SIX3: variants seen among roughly 807,000 people sequenced by gnomAD.
SIX3 encodes SIX homeobox 3, also known as homeobox protein SIX3.
A neutral mutation model predicts 21.7 loss-of-function variants in SIX3; 2 were observed. That is an observed-to-expected ratio of 0.09 (90% confidence interval 0.04 to 0.29). The LOEUF is 0.29. Among genes scored for constraint, SIX3 ranks in the 10% least tolerant of loss-of-function variants. The pLI is 1.00. For missense variants in SIX3, 347 were observed against 480.7 expected, an observed-to-expected ratio of 0.72 and a Z score of 2.60; for synonymous variants, 243 against 220.6, an observed-to-expected ratio of 1.10 and a Z score of -0.90.
Position 44,941,853 on chromosome 2 carries a change from C to A in SIX3, c.-252C>A, listed in dbSNP as rs968611069. 7 of 400,762 alleles carry A rather than the reference C, an allele frequency of 1.7e-5. No homozygotes were observed. The highest frequency in any genetic ancestry group is 1.4e-4 in the African/African-American group (7 of 48,730). The allele number at this position is 400,762 out of a possible 1,614,324, so 24.8% of individuals were successfully genotyped here. ...CTCTGTCTCGGGTTCTCTCTCTGCGCGCGCGCACCGGGCCGCTCTCCTACC... is the reference window on the plus strand; with the variant it reads ...CTCTGTCTCGGGTTCTCTCTCTGCGAGCGCGCACCGGGCCGCTCTCCTACC... On this transcript the variant is annotated 5_prime_UTR_variant, in exon 1 of 2. Coordinates refer to ENST00000260653, the MANE Select transcript of SIX3 (RefSeq NM_005413.4).
chr2:44,942,373 A>C lies in SIX3; in HGVS notation c.269A>C (p.Glu90Ala). ...CTGCCCACCCTCAACTTCTCGCCGG[A>C]GCAGGTGGCCAGCGTCTGTGAGACG... ...FQLPTLNFSP[E>A]QVASVCETLE... Residue 90 changes from glutamate to alanine, a missense_variant, in exon 1 of 2, where the codon GAG becomes GCG. By Grantham distance (107) the Glu-to-Ala change is moderately radical (BLOSUM62 -1). This residue lies in a region of SIX3 where 117 missense variants were observed against 205.9 expected (regional missense o/e 0.57). Coordinates refer to ENST00000260653, the MANE Select transcript of SIX3 (RefSeq NM_005413.4). This position sits in a 1 kb window ranked among gnomAD's most constrained non-coding sequence, Gnocchi z 8.4. The C allele has an allele frequency of 1.3e-6, 2 of 1,597,124 alleles. No individual in the cohort carries two copies. The highest frequency in any genetic ancestry group is 1.7e-6 in the Non-Finnish European group (2 of 1,179,318).
chr2:44,942,761 C>A lies in SIX3; in HGVS notation c.657C>A (p.Ser219Arg), dbSNP rs1666606463. Residue 219 changes from serine to arginine, a missense_variant, in exon 1 of 2, where the codon AGC (serine) becomes AGA (arginine). Ser to Arg is a moderately radical substitution (Grantham distance 110, BLOSUM62 -1). This residue lies in a region of SIX3 where 117 missense variants were observed against 205.9 expected (regional missense o/e 0.57). Coordinates refer to ENST00000260653, the MANE Select transcript of SIX3 (RefSeq NM_005413.4). The surrounding 1 kb of genome is among the most constrained non-coding windows in gnomAD (Gnocchi z 8.4). ...ATTGCTTCAAGGAGCGGACTCGGAG[C>A]CTGTTGCGGGAGTGGTACCTACAGG... ...KTHCFKERTR[S>R]LLREWYLQDP... The A allele has an allele frequency of 6.2e-7, 1 of 1,600,712 alleles. No homozygotes were observed. The highest frequency in any genetic ancestry group is 8.5e-7 in the Non-Finnish European group (1 of 1,179,802).
rs748952099 is a variant in SIX3 at position 44,942,768 on chromosome 2, C to A, written c.664C>A (p.Arg222=). 61 of 1,600,278 alleles carry A rather than the reference C, an allele frequency of 3.8e-5. No individual in the cohort carries two copies. Among genetic ancestry groups the A allele is most frequent in the Non-Finnish European group, 4.9e-5 (58 of 1,179,798 alleles). ...CAAGGAGCGGACTCGGAGCCTGTTG[C>A]GGGAGTGGTACCTACAGGACCCCTA... ...CFKERTRSLL[R]EWYLQDPYPN... The change falls in exon 1 of 2, where the codon CGG becomes AGG. Residue 222 remains arginine (R), a synonymous_variant. Coordinates refer to ENST00000260653, the MANE Select transcript of SIX3 (RefSeq NM_005413.4). This position sits in a 1 kb window ranked among gnomAD's most constrained non-coding sequence, Gnocchi z 8.4.
At chr2:44,943,487 GT>G (rs965499879) in intron 1 of SIX3, among the ~76,000 whole-genome samples, 2 of 152,238 alleles carry the variant, frequency 1.3e-5, no homozygotes, top group African/African-American at 4.8e-5. Context: ...GTGCGTGTGT[GT>G]GTGCACGCCC....
In SIX3 at chr2:44,945,658, C is replaced by G. The variant is rs993408156; in HGVS notation, c.*898C>G. ...AAAATTTTATATGAATTATGTATAT[C>G]TTAATGATCGGTCATTTTCCCAGTT... On this transcript the variant is annotated 3_prime_UTR_variant, in exon 2 of 2. Transcript: ENST00000260653. 6.6e-6 allele frequency: 1 copy of G among 152,196 alleles called. No homozygotes were observed. The highest frequency in any genetic ancestry group is 1.5e-5 in the Non-Finnish European group (1 of 68,028). 9.4% of individuals were successfully genotyped at this position (152,196 alleles called of 1,614,324 possible).
At position 44,942,096 on chromosome 2, in the gene SIX3, G is replaced by A. The variant is rs531488840; in HGVS notation, c.-9G>A. The A allele has an allele frequency of 2.5e-5, 39 of 1,585,118 alleles. No homozygotes were observed. The highest frequency in any genetic ancestry group is 3.2e-5 in the Non-Finnish European group (37 of 1,171,036). On this transcript the variant is annotated 5_prime_UTR_variant, in exon 1 of 2. Transcript: ENST00000260653. The surrounding 1 kb of genome is among the most constrained non-coding windows in gnomAD (Gnocchi z 8.4). ...CCCTGAATTTTCTCCTCTCCTCTCA[G>A]GTCAGTCCATGGTATTCCGCTCCCC...
chr2:44,943,339 A>C (rs1037037308), intron 1 of SIX3, among the ~76,000 whole-genome samples: 4 of 152,204 alleles, frequency 2.6e-5, no homozygotes, highest in African/African-American at 7.2e-5. Flanking sequence ...AGAGAGAGGA[A>C]AGTGAACCTG....
chr2:44,945,008 C>T lies in SIX3; in HGVS notation c.*248C>T. ...AACAACCCCCAACCACCATCTACCA[C>T]TACGGCCACCCCAAAGGACCCCGAC... On this transcript the variant is annotated 3_prime_UTR_variant, in exon 2 of 2. Coordinates refer to ENST00000260653, the MANE Select transcript of SIX3 (RefSeq NM_005413.4). 3 of 577,252 alleles carry T rather than the reference C, an allele frequency of 5.2e-6. No homozygotes were observed. Among genetic ancestry groups the T allele is most frequent in the Non-Finnish European group, 9.3e-6 (3 of 322,518 alleles). The allele number at this position is 577,252 out of a possible 1,614,324, so 35.8% of individuals were successfully genotyped here.
intron 1 of SIX3, 56 bp from the exon 2 acceptor site, chr2:44,944,512 G>A: frequency 2.0e-6 from 3 of 1,515,004 alleles, no homozygotes; most frequent in South Asian, 1.2e-5. Flanking sequence ...GCGGCGCGGG[G>A]GAGCCGGGTG....
chr2:44,944,661 G>T lies in SIX3; in HGVS notation c.900G>T (p.Ala300=). The T allele has an allele frequency of 6.3e-7, 1 of 1,578,782 alleles. No homozygotes were observed. Among genetic ancestry groups the T allele is most frequent in the Non-Finnish European group, 8.5e-7 (1 of 1,170,242 alleles). The change falls in exon 2 of 2, where the codon GCG becomes GCT. Residue 300 remains alanine, a synonymous_variant. Transcript: ENST00000260653. The stretch of plus-strand genomic sequence containing the variant: ...GCTCGGCAGAGTCGCCGTCCACGGC[G>T]GCCAGCCCGACCACCAGCGTGTCCA... ...THGSAESPST[A]ASPTTSVSSL... is the part of the protein sequence containing the mutation.
rs2103640586 is a variant in SIX3, at chr2:44,942,026, T to A, written c.-79T>A. The A allele has an allele frequency of 9.9e-7, 1 of 1,012,098 alleles. No individual in the cohort carries two copies. The highest frequency in any genetic ancestry group is 1.8e-5 in the Admixed American group (1 of 55,116). 62.7% of individuals were successfully genotyped at this position (1,012,098 alleles called of 1,614,324 possible). On this transcript the variant is annotated 5_prime_UTR_variant, in exon 1 of 2. Coordinates refer to ENST00000260653, the MANE Select transcript of SIX3 (RefSeq NM_005413.4). This position sits in a 1 kb window ranked among gnomAD's most constrained non-coding sequence, Gnocchi z 8.4. ...CCCCCTCTCCTCTCCCTCCTCCTGG[T>A]CCTCATCGCCCCTCTCCTCCTCTTC...
chr2:44,944,560 T>C lies in SIX3; in HGVS notation c.807-8T>C, dbSNP rs752574672. ...GTCAGGGCGGGCGCGGATCTCTTTC[T>C]CCCGCAGGCTCCAGCACCAGGCCAT... On this transcript the variant is annotated splice_region_variant and splice_polypyrimidine_tract_variant and intron_variant, in intron 1 of 1. Transcript: ENST00000260653. 5.7e-6 allele frequency: 9 copies of C among 1,566,896 alleles called. No homozygotes were observed. The African/African-American group carries it at 1.2e-4, about 21-fold the overall frequency.
rs759511221 is a variant in SIX3 at position 44,942,284 on chromosome 2, C to T, written c.180C>T (p.Gly60=). The change falls in exon 1 of 2, where the codon GGC becomes GGT. Residue 60 remains glycine, a synonymous_variant. Coordinates refer to ENST00000260653, the MANE Select transcript of SIX3 (RefSeq NM_005413.4). The surrounding 1 kb of genome is among the most constrained non-coding windows in gnomAD (Gnocchi z 8.4). ...ACGGTGCGGGAGGCGGCGGTGCTGG[C>T]GGAGCAGGCGGCGGCGGCGGCGGCG... ...GGNGAGGGGA[G]GAGGGGGGGS... 6.5e-7 allele frequency: 1 copy of T among 1,546,744 alleles called. No individual in the cohort carries two copies. The highest frequency in any genetic ancestry group is 8.7e-7 in the Non-Finnish European group (1 of 1,153,206).
At position 44,942,440 on chromosome 2, in the gene SIX3, C is replaced by G. The variant is rs756503811; in HGVS notation, c.336C>G (p.Leu112=). 2 of 1,597,826 alleles carry G rather than the reference C, an allele frequency of 1.3e-6. No individual in the cohort carries two copies. The highest frequency in any genetic ancestry group is 8.5e-7 in the Non-Finnish European group (1 of 1,179,588). Reference sequence around the variant, plus strand: ...ACATCGAGCGGCTGGGCCGCTTCCTCTGGTCGCTGCCCGTGGCCCCCGGGG... The same window carrying G: ...ACATCGAGCGGCTGGGCCGCTTCCTGTGGTCGCTGCCCGTGGCCCCCGGGG... ...TGDIERLGRF[L]WSLPVAPGAC... is the part of the protein sequence containing the mutation. Residue 112 remains leucine (L), a synonymous_variant, in exon 1 of 2, where the codon CTC becomes CTG. Coordinates refer to ENST00000260653, the MANE Select transcript of SIX3 (RefSeq NM_005413.4). The surrounding 1 kb of genome is among the most constrained non-coding windows in gnomAD (Gnocchi z 8.4).
rs971789082 is a variant in SIX3 at position 44,942,398 on chromosome 2, G to T, written c.294G>T (p.Thr98=). 1.9e-6 allele frequency: 3 copies of T among 1,597,428 alleles called. No individual in the cohort carries two copies. Among genetic ancestry groups the T allele is most frequent in the South Asian group, 1.1e-5 (1 of 91,072 alleles). Residue 98 remains threonine, a synonymous_variant, in exon 1 of 2, where the codon ACG becomes ACT. Transcript: ENST00000260653. The surrounding 1 kb of genome is among the most constrained non-coding windows in gnomAD (Gnocchi z 8.4). The part of the protein sequence containing the change: ...SPEQVASVCE[T]LEETGDIERL... ...AGCAGGTGGCCAGCGTCTGTGAGAC[G>T]CTGGAGGAGACGGGCGACATCGAGC... is the stretch of plus-strand genomic sequence containing the variant.
chr2:44,942,163 CCGATTCTCA>C lies in SIX3; in HGVS notation c.61_69del (p.Asp21_His23del). 1 of 1,598,310 alleles carries C rather than the reference CCGATTCTCA, an allele frequency of 6.3e-7. No individual in the cohort carries two copies. On this transcript the variant is annotated inframe_deletion, in exon 1 of 2. Transcript: ENST00000260653. The surrounding 1 kb of genome is among the most constrained non-coding windows in gnomAD (Gnocchi z 8.4). ...TCCCACTTCTTGTTGCCAAACTTCGCCGATTCTCACCACCGCTCCATACTTCTGGCGAGT... is the reference window on the plus strand; with the variant it reads ...TCCCACTTCTTGTTGCCAAACTTCGCCCACCGCTCCATACTTCTGGCGAGT...
rs1344650194 is a variant in SIX3 at position 44,942,273 on chromosome 2, G to T, written c.169G>T (p.Gly57Cys). ...GSGGGNGAGG[G>C]GAGGAGGGGG... is the part of the protein sequence containing the mutation. Reference sequence around the variant, plus strand: ...CGGCGGCGGGAACGGTGCGGGAGGCGGCGGTGCTGGCGGAGCAGGCGGCGG... The same window carrying T: ...CGGCGGCGGGAACGGTGCGGGAGGCTGCGGTGCTGGCGGAGCAGGCGGCGG... The change falls in exon 1 of 2, where the codon GGC (glycine) becomes TGC (cysteine). Residue 57 changes from glycine to cysteine, a missense_variant. Gly to Cys is a radical substitution (Grantham distance 159, BLOSUM62 -3). Coordinates refer to ENST00000260653, the MANE Select transcript of SIX3 (RefSeq NM_005413.4). This position sits in a 1 kb window ranked among gnomAD's most constrained non-coding sequence, Gnocchi z 8.4. 2.0e-6 allele frequency: 3 copies of T among 1,534,906 alleles called. No individual in the cohort carries two copies. The highest frequency in any genetic ancestry group is 4.8e-5 in the East Asian group (2 of 41,924).
At chr2:44,944,066 C>G (rs1252926277) in intron 1 of SIX3, among the ~76,000 whole-genome samples, 1 of 152,258 alleles carries the variant, frequency 6.6e-6, no homozygotes, top group African/African-American at 2.4e-5. Context: ...CTGTGCGCCT[C>G]TCTTGCCTTC....
chr2:44,944,792 C>T lies in SIX3; in HGVS notation c.*32C>T, dbSNP rs1296899322. 19 of 1,538,576 alleles carry T rather than the reference C, an allele frequency of 1.2e-5. No individual in the cohort carries two copies. Among genetic ancestry groups the T allele is most frequent in the East Asian group, 2.4e-5 (1 of 41,926 alleles). On this transcript the variant is annotated 3_prime_UTR_variant, in exon 2 of 2. Coordinates refer to ENST00000260653, the MANE Select transcript of SIX3 (RefSeq NM_005413.4). ...AGGCCGCCCTCCTCCCTCTCCTTCC[C>T]CTCCTCCCCCACTCCTTCCCCTCCG...
Sources: allele counts gnomAD v4.1 joint callset (sites outside exome capture counted in the v4.1 genomes callset), GRCh38; gene constraint gnomAD v4.1.1; regional missense constraint gnomAD v4.1.1; non-coding constraint Gnocchi (gnomAD v3.1); transcripts MANE v1.5; gene names NCBI Gene and HGNC (gene_info 2026-07-23, HGNC 2026-07-21).